GPC6: variants seen among roughly 807,000 people sequenced by gnomAD.
GPC6 encodes glypican-6.
In GPC6, 14 loss-of-function variants were observed where a neutral mutation model predicts 55.2. The observed-to-expected ratio is 0.25, with a 90% CI of 0.17 to 0.40. The LOEUF (loss-of-function observed/expected upper bound fraction) is 0.40, where lower values mean the gene tolerates loss of function less well. GPC6 is among the 10% of genes least tolerant of loss of function. The probability of loss-of-function intolerance (pLI) is 1.00; values close to 1 mark genes in which losing one functional copy is unlikely to be tolerated. For missense variants in GPC6, 641 were observed against 708.5 expected, an observed-to-expected ratio of 0.90 and a Z score of 1.08; for synonymous variants, 278 against 259.6, an observed-to-expected ratio of 1.07 and a Z score of -0.68.
chr13:94,096,092 A>G (rs1228771644), intron 4 of GPC6, among the ~76,000 whole-genome samples: 1 of 152,218 alleles, frequency 6.6e-6, no homozygotes, highest in East Asian at 1.9e-4. Flanking sequence ...ACTTTTTCCC[A>G]GTTTCTGGAG....
intron 1 of GPC6, among the ~76,000 whole-genome samples, chr13:93,479,424 A>G (rs1879415074): frequency 6.6e-6 from 1 of 152,180 alleles, no homozygotes; most frequent in African/African-American, 2.4e-5. Flanking sequence ...ATGTAGCTAC[A>G]GAGGACACAA....
chr13:93,783,227 G>A (rs971259929), intron 2 of GPC6, among the ~76,000 whole-genome samples: 2 of 152,094 alleles, frequency 1.3e-5, no homozygotes, highest in East Asian at 1.9e-4. Flanking sequence ...TCATTGATGG[G>A]CATTTGGGCT....
intron 1 of GPC6, among the ~76,000 whole-genome samples, chr13:93,309,714 T>C (rs1878997617): frequency 6.6e-6 from 1 of 152,186 alleles, no homozygotes; most frequent in South Asian, 2.1e-4. Flanking sequence ...TTTATAAATA[T>C]AGAAGAAAGA....
At chr13:94,120,650 G>T (rs536535561) in intron 4 of GPC6, among the ~76,000 whole-genome samples, 1 of 151,966 alleles carries the variant, frequency 6.6e-6, no homozygotes, top group South Asian at 2.1e-4. Context: ...TCGTAGTATT[G>T]TTTGTGCCCC....
chr13:93,867,159 A>G (rs982148374), intron 3 of GPC6, among the ~76,000 whole-genome samples: 3 of 151,708 alleles, frequency 2.0e-5, no homozygotes, highest in Admixed American at 6.6e-5. Context: ...GATATCCCCA[A>G]TTCATGAAAC....
At chr13:93,917,003 G>C (rs986810737) in intron 3 of GPC6, among the ~76,000 whole-genome samples, 46 of 151,892 alleles carry the variant, frequency 3.0e-4, no homozygotes, top group Non-Finnish European at 8.8e-5. Flanking sequence ...CCCCAAATTC[G>C]CTTTCCTTGT....
At chr13:94,398,735 T>G in intron 8 of GPC6, 94 bp downstream of exon 8, 1 of 974,666 alleles carries the variant, frequency 1.0e-6, no homozygotes, top group South Asian at 1.3e-5. Context: ...ATATGCCCTT[T>G]TAATTTATTC....
chr13:93,830,701 T>C, intron 3 of GPC6, 156 bp downstream of exon 3: 1 of 683,508 alleles, frequency 1.5e-6, no homozygotes, highest in South Asian at 1.9e-5. Flanking sequence ...AAAGCATAAT[T>C]CTGGCTTTCT....
Position 93,654,431 on chromosome 13 carries a change from G to A in GPC6, c.319+109010G>A, listed in dbSNP as rs535372856. 1.1e-3 allele frequency among the ~76,000 whole-genome samples: 170 copies of A among 151,738 alleles called. 1 individual carries two copies. The highest frequency in any genetic ancestry group is 4.0e-3 in the African/African-American group (164 of 41,350). ...CAACCTCTGCCTCCTGGGTTCAAGCGGTTCTCCTGCCTTAGCCTCCAGAGT... is the reference window on the plus strand; with the variant it reads ...CAACCTCTGCCTCCTGGGTTCAAGCAGTTCTCCTGCCTTAGCCTCCAGAGT... On this transcript the variant is annotated intron_variant, in intron 2 of 8. Transcript: ENST00000377047.
At position 93,916,913 on chromosome 13, in the gene GPC6, G is replaced by C. The variant is rs978770112; in HGVS notation, c.711+86368G>C. Among the ~76,000 whole-genome samples the C allele has an allele frequency of 4.6e-5, 7 of 152,202 alleles. No individual in the cohort carries two copies. The South Asian group carries it at 1.0e-3, about 23-fold the overall frequency. ...ATAAATCCTAAAACAGAATATTAGT[G>C]ATTTTGAAGGTATTTCCATCTTAGC... On this transcript the variant is annotated intron_variant, in intron 3 of 8. Transcript: ENST00000377047.
intron 1 of GPC6, among the ~76,000 whole-genome samples, chr13:93,342,800 A>G (rs1330523483): frequency 6.6e-6 from 1 of 152,210 alleles, no homozygotes; most frequent in Non-Finnish European, 1.5e-5. Context: ...GAACTTAAAT[A>G]TAATGGCAAG....
intron 1 of GPC6, among the ~76,000 whole-genome samples, chr13:93,460,572 A>G (rs1397472649): frequency 2.6e-5 from 4 of 152,180 alleles, no homozygotes; most frequent in Non-Finnish European, 5.9e-5. Flanking sequence ...ATATAAATTA[A>G]TATTAGCAGA....
intron 4 of GPC6, among the ~76,000 whole-genome samples, chr13:94,236,472 A>G (rs1453437434): frequency 1.3e-5 from 2 of 152,152 alleles, no homozygotes; most frequent in African/African-American, 4.8e-5. Context: ...TTCCAGGTGT[A>G]TGAGACAGTG....
At chr13:93,484,474 C>A (rs565008994) in intron 1 of GPC6, among the ~76,000 whole-genome samples, 1 of 152,054 alleles carries the variant, frequency 6.6e-6, no homozygotes, top group Non-Finnish European at 1.5e-5. Context: ...CTGTGAACCT[C>A]TTTTGGGAAT....
intron 4 of GPC6, among the ~76,000 whole-genome samples, chr13:94,084,993 T>C (rs1885228279): frequency 1.3e-5 from 2 of 152,054 alleles, no homozygotes. Context: ...ATGGATCTTA[T>C]ACTTTATCTA....
chr13:93,401,299 A>G (rs1876066692), intron 1 of GPC6, among the ~76,000 whole-genome samples: 1 of 151,990 alleles, frequency 6.6e-6, no homozygotes, highest in Non-Finnish European at 1.5e-5. Flanking sequence ...ACCAGACCAC[A>G]GTGAGGACAG....
intron 1 of GPC6, among the ~76,000 whole-genome samples, chr13:93,294,948 C>A (rs1320642450): frequency 1.7e-4 from 25 of 151,410 alleles, no homozygotes; most frequent in Admixed American, 1.6e-3. Context: ...CTTGAAATCT[C>A]CTGGTTAAGT....
intron 3 of GPC6, among the ~76,000 whole-genome samples, chr13:93,992,067 AT>A (rs1231949989): frequency 6.6e-6 from 1 of 151,588 alleles, no homozygotes; most frequent in African/African-American, 2.4e-5. Flanking sequence ...TACCCCTCTT[AT>A]ACATACATAG....
At chr13:94,190,931 A>G (rs1251112831) in intron 4 of GPC6, among the ~76,000 whole-genome samples, 2 of 152,196 alleles carry the variant, frequency 1.3e-5, no homozygotes, top group African/African-American at 4.8e-5. Flanking sequence ...TGTAAGTAGT[A>G]ATGTGTATAC....
Sources: gnomAD v4.1 joint callset for allele counts (sites outside exome capture counted in the v4.1 genomes callset) on GRCh38, gnomAD v4.1.1 for gene constraint, MANE v1.5 for transcripts, NCBI Gene and HGNC (gene_info 2026-07-23, HGNC 2026-07-21) for gene names.